Variants in CPM observed in about 807,000 individuals in gnomAD.
The protein encoded by CPM is carboxypeptidase M.
A neutral mutation model predicts 46.4 loss-of-function variants in CPM; 35 were observed. The ratio of observed to expected loss-of-function variants is 0.75; its 90% confidence interval spans 0.58 to 1.00. CPM has a LOEUF of 1.00. CPM is among the 50% of genes least tolerant of loss of function. The pLI is 0.00. For missense variants in CPM, 422 were observed against 530.4 expected, an observed-to-expected ratio of 0.80 and a Z score of 2.01; for synonymous variants, 195 against 195.3, an observed-to-expected ratio of 1.00 and a Z score of 0.01.
chr12:68,885,508 G>T (rs932112135), intron 3 of CPM, among the ~76,000 whole-genome samples: 1 of 152,192 alleles, frequency 6.6e-6, no homozygotes, highest in African/African-American at 2.4e-5. Flanking sequence ...GCTGGCAGAA[G>T]TTCAGGGCTG....
At chr12:68,955,908 T>C (rs568930898) in intron 1 of CPM, among the ~76,000 whole-genome samples, 3 of 151,968 alleles carry the variant, frequency 2.0e-5, no homozygotes, top group Non-Finnish European at 4.4e-5. Flanking sequence ...CATTCCAGTC[T>C]GCAGAACTGA....
downstream of CPM, chr12:68,849,093 CTT>C (rs796472865): frequency 3.4e-4 from 44 of 130,624 alleles, no homozygotes; most frequent in African/African-American, 4.8e-4. Flanking sequence ...ACGGTAGACC[CTT>C]TTTTTTTTTT....
chr12:68,885,875 C>T lies in CPM; in HGVS notation c.175G>A (p.Val59Ile). 6.2e-7 allele frequency: 1 copy of T among 1,613,898 alleles called. No individual in the cohort carries two copies. Among genetic ancestry groups the T allele is most frequent in the Non-Finnish European group, 8.5e-7 (1 of 1,179,908 alleles). ...TTTGGAAACCGCCCCACAACAAGAACCCACAGGTTTCTACCTTTACAGGAA... is the reference window on the plus strand; with the variant it reads ...TTTGGAAACCGCCCCACAACAAGAATCCACAGGTTTCTACCTTTACAGGAA... The part of the protein sequence containing the change: ...GKSVKGRNLW[V>I]LVVGRFPKEH... The change falls in exon 3 of 9, where the codon GTT becomes ATT. Residue 59 changes from valine to isoleucine, a missense_variant. Coordinates refer to ENST00000551568, the MANE Select transcript of CPM (RefSeq NM_198320.5).
chr12:68,961,923 G>A lies in CPM; in HGVS notation c.-4+1246C>T, dbSNP rs556647812. On this transcript the variant is annotated intron_variant, in intron 1 of 8. Transcript: ENST00000546373. ...TTAAAAAACTGTGGTAATAATGGCC[G>A]GGCGTGGTGGCTCATGTCTGTAATC... Among the ~76,000 whole-genome samples, 463 of 151,464 alleles carry A rather than the reference G, an allele frequency of 3.1e-3. 4 individuals carry two copies. The highest frequency in any genetic ancestry group is 0.011 in the African/African-American group (449 of 41,278).
intron 5 of CPM, chr12:68,844,559 G>T (rs1250712904): frequency 4.4e-6 from 1 of 226,684 alleles, no homozygotes; most frequent in Non-Finnish European, 8.8e-6. Context: ...AAGTAAGATT[G>T]TAATTGCCTG....
chr12:68,884,110 G>GAA (rs35514888), intron 3 of CPM, among the ~76,000 whole-genome samples: 7,548 of 63,700 alleles, frequency 0.12, 345 homozygotes, highest in Middle Eastern at 0.14. Flanking sequence ...AATTCCATCG[G>GAA]AAAAAAAAAA....
At chr12:68,886,404 G>A (rs991939679) in intron 2 of CPM, among the ~76,000 whole-genome samples, 8 of 151,948 alleles carry the variant, frequency 5.3e-5, no homozygotes, top group South Asian at 2.1e-4. Context: ...AGGCCGAGGC[G>A]GGCAGATCAC....
chr12:68,871,716 A>G (rs1885703998), intron 4 of CPM, 68 bp downstream of exon 4: 2 of 1,549,556 alleles, frequency 1.3e-6, no homozygotes, highest in Admixed American at 1.7e-5. Context: ...TGCCAAGGCC[A>G]ACAGGTGCCT....
chr12:68,871,773 C>A lies in CPM; in HGVS notation c.431+11G>T, dbSNP rs201196193. The A allele has an allele frequency of 2.1e-5, 34 of 1,613,852 alleles. No homozygotes were observed. In the African/African-American group the frequency reaches 4.0e-4, roughly 19 times the overall value. ...TTGTTTTCAAGTAAAGATAGACCAG[C>A]CCCTCTTTACCTTCCGATGCTGTAA... On this transcript the variant is annotated intron_variant, in intron 4 of 8. Transcript: ENST00000551568.
chr12:68,843,724 T>G (rs1012387603), intron 5 of CPM: 11 of 223,784 alleles, frequency 4.9e-5, no homozygotes, highest in Middle Eastern at 1.3e-3. Context: ...TCTGTCTGTC[T>G]CAATAAATGG....
At chr12:68,866,586 C>G (rs1228552802) in intron 7 of CPM, among the ~76,000 whole-genome samples, 1 of 152,220 alleles carries the variant, frequency 6.6e-6, no homozygotes, top group Non-Finnish European at 1.5e-5. Flanking sequence ...TCAGGTGATA[C>G]ACCTGCCTCG....
At chr12:68,896,332 C>T (rs1886875916) in intron 2 of CPM, among the ~76,000 whole-genome samples, 1 of 152,152 alleles carries the variant, frequency 6.6e-6, no homozygotes, top group Non-Finnish European at 1.5e-5. Flanking sequence ...AGATAGTACC[C>T]CTGCAACCCC....
chr12:68,935,913 A>G (rs1220623400), upstream of CPM, among the ~76,000 whole-genome samples: 13 of 152,148 alleles, frequency 8.5e-5, no homozygotes, highest in Non-Finnish European at 1.9e-4. Context: ...CTGTGGCTGG[A>G]GACTGGAAGA....
At chr12:68,865,437 C>T (rs73144234) in intron 7 of CPM, among the ~76,000 whole-genome samples, 36,534 of 151,960 alleles carry the variant, frequency 0.24, 4,641 homozygotes, top group Middle Eastern at 0.32. Flanking sequence ...GGATGTGTGC[C>T]GAGGAAGGGT....
upstream of CPM, among the ~76,000 whole-genome samples, chr12:68,934,446 C>G (rs1478849657): frequency 6.6e-6 from 1 of 152,130 alleles, no homozygotes; most frequent in Non-Finnish European, 1.5e-5. Flanking sequence ...ACTCAGGACT[C>G]CCTGAGACTT....
intron 2 of CPM, among the ~76,000 whole-genome samples, chr12:68,920,316 TG>T (rs1887980969): frequency 6.6e-6 from 1 of 152,152 alleles, no homozygotes; most frequent in South Asian, 2.1e-4. Flanking sequence ...AGTTAAACAA[TG>T]GGAAAACTGC....
chr12:68,845,599 A>G (rs1448474332), intron 5 of CPM: 6 of 179,512 alleles, frequency 3.3e-5, no homozygotes, highest in Admixed American at 1.3e-4. Flanking sequence ...TTTCCTTTAA[A>G]GCTCTCCTTT....
At chr12:68,959,565 G>T (rs1454846921) in intron 1 of CPM, among the ~76,000 whole-genome samples, 1 of 152,250 alleles carries the variant, frequency 6.6e-6, no homozygotes. Flanking sequence ...AAGTGTGAAA[G>T]AGAGAATATG....
At chr12:68,874,057 C>A (rs1021505947) in intron 3 of CPM, among the ~76,000 whole-genome samples, 3 of 152,076 alleles carry the variant, frequency 2.0e-5, no homozygotes, top group African/African-American at 7.2e-5. Context: ...CTGCCTGCCT[C>A]AGCCTCCCAA....
Sources: allele counts gnomAD v4.1 joint callset (sites outside exome capture counted in the v4.1 genomes callset), GRCh38; gene constraint gnomAD v4.1.1; transcripts MANE v1.5; gene names NCBI Gene and HGNC (gene_info 2026-07-23, HGNC 2026-07-21).